PTPRM: variants seen among roughly 807,000 people sequenced by gnomAD.
The protein encoded by PTPRM is receptor-type tyrosine-protein phosphatase mu.
Under a neutral mutation model 186.7 loss-of-function variants are expected in PTPRM, and 47 were observed. The observed-to-expected ratio is 0.25, with a 90% CI of 0.20 to 0.32. The LOEUF (loss-of-function observed/expected upper bound fraction) is 0.32, where lower values mean the gene tolerates loss of function less well. Ranked by LOEUF, PTPRM falls within the 10% of genes least tolerant of loss-of-function variation. The pLI, the probability that PTPRM is intolerant of heterozygous loss-of-function variation, is 1.00. For synonymous variants in PTPRM, 668 were observed against 674.9 expected (o/e 0.99, Z 0.16); for missense variants, 1,494 against 1,865.0 (o/e 0.80, Z 3.66).
chr18:8,249,475 G>T (rs2094507665), intron 17 of PTPRM, among the ~76,000 whole-genome samples: 1 of 152,142 alleles, frequency 6.6e-6, no homozygotes, highest in South Asian at 2.1e-4. Context: ...TAAGTGAGGG[G>T]CACAGGCTAA....
At chr18:7,940,966 A>G in intron 5 of PTPRM, among the ~76,000 whole-genome samples, 1 of 152,152 alleles carries the variant, frequency 6.6e-6, no homozygotes, top group African/African-American at 2.4e-5. Context: ...CCTTTATGAA[A>G]TAAAATAAAA....
At chr18:7,761,770 C>T (rs2041786584) in intron 1 of PTPRM, among the ~76,000 whole-genome samples, 1 of 152,096 alleles carries the variant, frequency 6.6e-6, no homozygotes, top group South Asian at 2.1e-4. Flanking sequence ...CTCCCTAGTG[C>T]CTGACATCAT....
chr18:8,328,455 T>G (rs997158741), intron 22 of PTPRM, among the ~76,000 whole-genome samples: 1 of 152,260 alleles, frequency 6.6e-6, no homozygotes, highest in Non-Finnish European at 1.5e-5. Context: ...CAGTGCAGCT[T>G]GCACTTCAAG....
At chr18:7,750,625 C>T (rs2041168668) in intron 1 of PTPRM, among the ~76,000 whole-genome samples, 1 of 152,204 alleles carries the variant, frequency 6.6e-6, no homozygotes, top group Admixed American at 6.5e-5. Context: ...TGCCATGCCC[C>T]TACCTTATCC....
chr18:8,337,950 T>A (rs530579365), intron 22 of PTPRM, among the ~76,000 whole-genome samples: 7 of 152,308 alleles, frequency 4.6e-5, no homozygotes, highest in African/African-American at 1.7e-4. Context: ...CATGTGGGGT[T>A]TACAGTCTTC....
chr18:8,343,983 T>C (rs958361197), intron 23 of PTPRM, among the ~76,000 whole-genome samples: 1 of 152,218 alleles, frequency 6.6e-6, no homozygotes, highest in African/African-American at 2.4e-5. Context: ...ACCTGTGGAA[T>C]GGAAAGCATC....
intron 7 of PTPRM, among the ~76,000 whole-genome samples, chr18:8,026,702 C>T (rs2085591845): frequency 2.0e-5 from 3 of 151,876 alleles, no homozygotes; most frequent in African/African-American, 7.3e-5. Context: ...ACTAAAAATA[C>T]AAAAAATTAG....
intron 7 of PTPRM, among the ~76,000 whole-genome samples, chr18:7,985,009 A>G (rs1254096487): frequency 7.9e-6 from 1 of 126,810 alleles, no homozygotes; most frequent in African/African-American, 3.1e-5. Context: ...AATTGTATAT[A>G]CATATAATTA....
chr18:8,267,675 T>C (rs2094718006), intron 19 of PTPRM, among the ~76,000 whole-genome samples: 1 of 152,208 alleles, frequency 6.6e-6, no homozygotes, highest in African/African-American at 2.4e-5. Flanking sequence ...TCGAAGTATA[T>C]AAAATGCTTA....
intron 1 of PTPRM, among the ~76,000 whole-genome samples, chr18:7,746,311 A>G (rs902982241): frequency 2.0e-5 from 3 of 152,180 alleles, no homozygotes; most frequent in Admixed American, 6.5e-5. Flanking sequence ...AACAGAAACA[A>G]TGGAATCCAG....
intron 22 of PTPRM, among the ~76,000 whole-genome samples, chr18:8,342,002 A>G (rs756185867): frequency 4.6e-5 from 7 of 152,210 alleles, no homozygotes; most frequent in Non-Finnish European, 1.0e-4. Context: ...AGATGCAGAG[A>G]CATCAGGAGA....
At chr18:8,322,705 A>G (rs1290247041) in intron 22 of PTPRM, among the ~76,000 whole-genome samples, 12 of 152,190 alleles carry the variant, frequency 7.9e-5, no homozygotes, top group Admixed American at 7.9e-4. Flanking sequence ...GCAACCTTGG[A>G]GATTATGTGG....
At chr18:7,862,213 A>G (rs1389839339) in intron 2 of PTPRM, among the ~76,000 whole-genome samples, 1 of 152,244 alleles carries the variant, frequency 6.6e-6, no homozygotes, top group African/African-American at 2.4e-5. Flanking sequence ...TTGCTGTATA[A>G]TAGTAGGTGT....
At chr18:7,730,013 A>C (rs998983354) in intron 1 of PTPRM, among the ~76,000 whole-genome samples, 3 of 152,156 alleles carry the variant, frequency 2.0e-5, no homozygotes, top group African/African-American at 7.2e-5. Context: ...GTTGGCTCTG[A>C]ATCTGTTACA....
intron 19 of PTPRM, among the ~76,000 whole-genome samples, chr18:8,257,022 T>G (rs1447154238): frequency 6.6e-6 from 1 of 152,180 alleles, no homozygotes; most frequent in Non-Finnish European, 1.5e-5. Flanking sequence ...CGCTGTCCCC[T>G]GGGGAAGCTG....
chr18:8,071,201 A>G (rs748717021), intron 8 of PTPRM, among the ~76,000 whole-genome samples: 3 of 151,928 alleles, frequency 2.0e-5, no homozygotes, highest in Non-Finnish European at 4.4e-5. Context: ...GTTTCTTCCA[A>G]CTCTCTCTCA....
At chr18:7,812,538 C>G (rs965950407) in intron 2 of PTPRM, among the ~76,000 whole-genome samples, 1 of 152,122 alleles carries the variant, frequency 6.6e-6, no homozygotes, top group African/African-American at 2.4e-5. Context: ...GAATCTCCTG[C>G]AGCTATTTAT....
intron 32 of PTPRM, among the ~76,000 whole-genome samples, chr18:8,398,196 C>T (rs1305695246): frequency 6.6e-6 from 1 of 152,032 alleles, no homozygotes; most frequent in Non-Finnish European, 1.5e-5. Flanking sequence ...TTTGCCCAGG[C>T]TGGTTTCAAA....
intron 1 of PTPRM, among the ~76,000 whole-genome samples, chr18:7,657,776 A>T (rs1372082228): frequency 2.0e-5 from 3 of 152,222 alleles, no homozygotes; most frequent in Non-Finnish European, 4.4e-5. Context: ...TGTTTCGCTC[A>T]TGCTGGCTTG....
Sources: allele counts gnomAD v4.1 joint callset (sites outside exome capture counted in the v4.1 genomes callset), GRCh38; gene constraint gnomAD v4.1.1; transcripts MANE v1.5; gene names NCBI Gene and HGNC (gene_info 2026-07-23, HGNC 2026-07-21).